Variants in MACROD2 observed in about 807,000 individuals in gnomAD.
The protein encoded by MACROD2 is mono-ADP ribosylhydrolase 2.
In MACROD2, 36 loss-of-function variants were observed where a neutral mutation model predicts 70.4. That is an observed-to-expected ratio of 0.51 (90% confidence interval 0.39 to 0.68). The LOEUF (loss-of-function observed/expected upper bound fraction) is 0.68, where lower values mean the gene tolerates loss of function less well. Among genes scored for constraint, MACROD2 ranks in the 30% least tolerant of loss-of-function variants. The pLI, the probability that MACROD2 is intolerant of heterozygous loss-of-function variation, is 0.00. For synonymous variants in MACROD2, 172 were observed against 178.8 expected (o/e 0.96, Z 0.30); for missense variants, 496 against 538.4 (o/e 0.92, Z 0.78).
At position 15,134,932 on chromosome 20, in the gene MACROD2, G is replaced by A. The variant is rs199897556; in HGVS notation, c.419-95008G>A. ...AAACTACCATCAGAGAATACTACAA[G>A]CACCTCTACGCAAATAAACTAGAAA... On this transcript the variant is annotated intron_variant, in intron 5 of 17. Coordinates refer to ENST00000684519, the MANE Select transcript of MACROD2 (RefSeq NM_001351661.2). 3.0e-4 allele frequency among the ~76,000 whole-genome samples: 45 copies of A among 152,112 alleles called. No homozygotes were observed. The East Asian group carries it at 3.1e-3, about 10-fold the overall frequency.
chr20:15,684,133 T>C (rs2050196030), intron 8 of MACROD2, among the ~76,000 whole-genome samples: 3 of 152,188 alleles, frequency 2.0e-5, no homozygotes, highest in African/African-American at 7.2e-5. Context: ...CTTCCTATTA[T>C]ATTCTAATGA....
At chr20:16,030,452 A>G (rs1257521660) in intron 15 of MACROD2, among the ~76,000 whole-genome samples, 3 of 152,188 alleles carry the variant, frequency 2.0e-5, no homozygotes, top group African/African-American at 7.2e-5. Context: ...GCACACTGAA[A>G]CCTTGACTGA....
chr20:14,154,461 A>G (rs1415995236), intron 3 of MACROD2, among the ~76,000 whole-genome samples: 1 of 147,828 alleles, frequency 6.8e-6, no homozygotes, highest in Non-Finnish European at 1.5e-5. Context: ...ATCTCGGATC[A>G]TTGCAAGCTC....
At chr20:16,049,578 G>A (rs1422221181) in intron 17 of MACROD2, among the ~76,000 whole-genome samples, 9 of 152,108 alleles carry the variant, frequency 5.9e-5, no homozygotes, top group Non-Finnish European at 1.3e-4. Context: ...TGAGTTAATC[G>A]TCCCCATCAG....
At chr20:15,746,349 G>A (rs536803137) in intron 8 of MACROD2, among the ~76,000 whole-genome samples, 1 of 151,540 alleles carries the variant, frequency 6.6e-6, no homozygotes, top group South Asian at 2.1e-4. Context: ...TACAAGTTTT[G>A]TATGCATAGC....
intron 6 of MACROD2, among the ~76,000 whole-genome samples, chr20:15,365,176 G>A (rs1340372373): frequency 1.4e-5 from 2 of 144,174 alleles, no homozygotes; most frequent in Non-Finnish European, 2.9e-5. Context: ...GGGGCGGGGC[G>A]GGGGTCAGAA....
intron 5 of MACROD2, among the ~76,000 whole-genome samples, chr20:14,695,822 G>A (rs1476328527): frequency 1.3e-5 from 2 of 152,192 alleles, no homozygotes; most frequent in Non-Finnish European, 2.9e-5. Context: ...TGAGCCAGAG[G>A]CATCCAGCCA....
intron 3 of MACROD2, among the ~76,000 whole-genome samples, chr20:14,311,616 C>G (rs1282758217): frequency 6.6e-6 from 1 of 152,116 alleles, no homozygotes; most frequent in Non-Finnish European, 1.5e-5. Flanking sequence ...CTCCTGGGTT[C>G]AATTGATTCT....
chr20:15,336,397 G>A (rs1038905354), intron 6 of MACROD2, among the ~76,000 whole-genome samples: 4 of 140,702 alleles, frequency 2.8e-5, no homozygotes, highest in Admixed American at 7.1e-5. Flanking sequence ...GAAAAAAAAA[G>A]GTGTGGAATT....
chr20:14,134,736 C>T (rs7261084), intron 3 of MACROD2, among the ~76,000 whole-genome samples: 6,120 of 131,398 alleles, frequency 0.047, 170 homozygotes, highest in African/African-American at 0.092. Flanking sequence ...ACCAGGAAGT[C>T]GGAAGTTGCA....
intron 5 of MACROD2, among the ~76,000 whole-genome samples, chr20:15,224,616 A>AAC (rs929037537): frequency 6.6e-6 from 1 of 152,150 alleles, no homozygotes; most frequent in African/African-American, 2.4e-5. Context: ...TTGTTGAGGT[A>AAC]ACCAAAGGAG....
chr20:14,186,571 T>C (rs1309507407), intron 3 of MACROD2, among the ~76,000 whole-genome samples: 1 of 152,108 alleles, frequency 6.6e-6, no homozygotes, highest in Non-Finnish European at 1.5e-5. Flanking sequence ...AGAACTACCT[T>C]TTGACCCAGC....
chr20:14,471,347 A>G (rs2084528540), intron 3 of MACROD2, among the ~76,000 whole-genome samples: 1 of 152,226 alleles, frequency 6.6e-6, no homozygotes, highest in Non-Finnish European at 1.5e-5. Context: ...TGGGAGATGT[A>G]GACCGGAGCT....
chr20:14,457,559 T>G (rs1175463634), intron 3 of MACROD2, among the ~76,000 whole-genome samples: 3 of 152,154 alleles, frequency 2.0e-5, no homozygotes. Flanking sequence ...AAAATTCACA[T>G]GTGTACACAC....
At chr20:15,339,237 A>G (rs2078081453) in intron 6 of MACROD2, among the ~76,000 whole-genome samples, 1 of 151,870 alleles carries the variant, frequency 6.6e-6, no homozygotes, top group Non-Finnish European at 1.5e-5. Flanking sequence ...CATTTAGTAT[A>G]TAGTGTTAAT....
At chr20:14,707,208 T>G (rs2071279958) in intron 5 of MACROD2, among the ~76,000 whole-genome samples, 1 of 152,090 alleles carries the variant, frequency 6.6e-6, no homozygotes, top group African/African-American at 2.4e-5. Context: ...TTCCTGACCT[T>G]TTCTGTGTGG....
In MACROD2 at chr20:15,276,316, C is replaced by A. The variant is rs112842715; in HGVS notation, c.540+46255C>A. On this transcript the variant is annotated intron_variant, in intron 6 of 17. Coordinates refer to ENST00000684519, the MANE Select transcript of MACROD2 (RefSeq NM_001351661.2). The stretch of plus-strand genomic sequence containing the variant: ...TCGGGAGGCTGAGGTAGGAGAAGGG[C>A]GTGAACCCGGGAGGCGGAGCTTGCA... 1.0e-3 allele frequency among the ~76,000 whole-genome samples: 154 copies of A among 148,920 alleles called. 1 individual carries two copies. Among genetic ancestry groups the A allele is most frequent in the African/African-American group, 3.7e-3 (148 of 40,384 alleles).
At chr20:15,962,634 C>T (rs1004423534) in intron 12 of MACROD2, among the ~76,000 whole-genome samples, 2 of 152,180 alleles carry the variant, frequency 1.3e-5, no homozygotes, top group African/African-American at 2.4e-5. Flanking sequence ...GTGATGATCC[C>T]TAATTTGAAA....
intron 2 of MACROD2, among the ~76,000 whole-genome samples, chr20:14,078,563 C>T (rs536011170): frequency 1.2e-4 from 19 of 152,200 alleles, no homozygotes; most frequent in African/African-American, 3.6e-4. Context: ...CCTACCACCA[C>T]GCCTGGCTAA....
Sources: allele counts gnomAD v4.1 joint callset (sites outside exome capture counted in the v4.1 genomes callset), GRCh38; gene constraint gnomAD v4.1.1; transcripts MANE v1.5; gene names NCBI Gene and HGNC (gene_info 2026-07-23, HGNC 2026-07-21).